AGAP1: variants seen among roughly 807,000 people sequenced by gnomAD.
The protein encoded by AGAP1 is arf-GAP with GTPase, ANK repeat and PH domain-containing protein 1.
A neutral mutation model predicts 105.3 loss-of-function variants in AGAP1; 29 were observed. That is an observed-to-expected ratio of 0.28 (90% CI 0.21 to 0.38). The LOEUF (loss-of-function observed/expected upper bound fraction) is 0.38, where lower values mean the gene tolerates loss of function less well. Ranked by LOEUF, AGAP1 falls within the 10% of genes least tolerant of loss-of-function variation. The pLI is 1.00. For missense variants in AGAP1, 998 were observed against 1,165.1 expected (o/e 0.86, Z 2.09); for synonymous variants, 509 against 485.9 (o/e 1.05, Z -0.63).
chr2:235,520,078 G>A (rs997656112), intron 1 of AGAP1, among the ~76,000 whole-genome samples: 8 of 152,084 alleles, frequency 5.3e-5, no homozygotes, highest in Non-Finnish European at 7.4e-5. Flanking sequence ...CACCAGGCCC[G>A]GCCTCAATAT....
chr2:235,567,193 G>T (rs1268375104), intron 1 of AGAP1, among the ~76,000 whole-genome samples: 1 of 152,376 alleles, frequency 6.6e-6, no homozygotes, highest in Non-Finnish European at 1.5e-5. Flanking sequence ...GGCAGAGGGT[G>T]TGCCTAGAGC....
chr2:235,956,657 G>A (rs1046760186), intron 12 of AGAP1, among the ~76,000 whole-genome samples: 1 of 152,208 alleles, frequency 6.6e-6, no homozygotes, highest in Non-Finnish European at 1.5e-5. Context: ...GAAGCCCAGG[G>A]CTGTCCCACC....
chr2:235,853,393 AGTT>A (rs1166959481), intron 9 of AGAP1, among the ~76,000 whole-genome samples: 5 of 152,328 alleles, frequency 3.3e-5, no homozygotes, highest in African/African-American at 1.2e-4. Context: ...TTGTGATTTT[AGTT>A]GTTCCTTTCT....
intron 1 of AGAP1, among the ~76,000 whole-genome samples, chr2:235,503,370 C>T (rs781605008): frequency 2.2e-4 from 34 of 152,076 alleles, no homozygotes; most frequent in Admixed American, 3.3e-4. Flanking sequence ...GCCGGGATCG[C>T]GTATCTGCTC....
chr2:235,604,572 C>CT (rs1166523228), intron 1 of AGAP1, among the ~76,000 whole-genome samples: 830 of 69,674 alleles, frequency 0.012, 230 homozygotes, highest in African/African-American at 0.026. Context: ...TTTTTATTAT[C>CT]TTTTTTTTTT....
At chr2:235,563,920 C>G (rs1944252744) in intron 1 of AGAP1, among the ~76,000 whole-genome samples, 1 of 152,082 alleles carries the variant, frequency 6.6e-6, no homozygotes, top group African/African-American at 2.4e-5. Flanking sequence ...CTCCAGGTTA[C>G]ATGGCTATCA....
rs1029799488 is a variant in AGAP1 at position 235,927,910 on chromosome 2, C to T, written c.1325-2855C>T. ...GTATTTGGACCTTGTGTGCCTAAAG[C>T]TGGTATAAAATGAGGTCTGTGGACA... On this transcript the variant is annotated intron_variant, in intron 11 of 17. Coordinates refer to ENST00000304032, the MANE Select transcript of AGAP1 (RefSeq NM_001037131.3). This position sits in a 1 kb window ranked among gnomAD's most constrained non-coding sequence, Gnocchi z 4.4. Among the ~76,000 whole-genome samples the T allele has an allele frequency of 6.6e-5, 10 of 152,168 alleles. No individual in the cohort carries two copies. The highest frequency in any genetic ancestry group is 2.4e-4 in the African/African-American group (10 of 41,426).
At chr2:235,998,663 G>GTGC (rs2055920596) in intron 13 of AGAP1, among the ~76,000 whole-genome samples, 1 of 152,100 alleles carries the variant, frequency 6.6e-6, no homozygotes, top group African/African-American at 2.4e-5. Flanking sequence ...AGAGGTGGTG[G>GTGC]TGGTGGTGGT....
chr2:235,868,597 TCAAAA>T (rs1194970344), intron 9 of AGAP1, among the ~76,000 whole-genome samples: 4 of 152,212 alleles, frequency 2.6e-5, no homozygotes, highest in Admixed American at 2.0e-4. Context: ...TCCCTGAGAC[TCAAAA>T]CAAAGACTGA....
Position 235,744,905 on chromosome 2 carries a change from GGA to G in AGAP1, c.538+68_538+69del. ...AACAGTTACATATTTTCAGTATGGA[GGA>G]GTTTAAAAAATGCTTTAAAGAAGGA... On this transcript the variant is annotated intron_variant, in intron 5 of 17. Coordinates refer to ENST00000304032, the MANE Select transcript of AGAP1 (RefSeq NM_001037131.3). This position sits in a 1 kb window ranked among gnomAD's most constrained non-coding sequence, Gnocchi z 5.2. 6.4e-7 allele frequency: 1 copy of G among 1,557,152 alleles called. No homozygotes were observed. Among genetic ancestry groups the G allele is most frequent in the South Asian group, 1.2e-5 (1 of 82,580 alleles).
In AGAP1 at chr2:235,843,660, G is replaced by T. The variant is rs118191120; in HGVS notation, c.1050+36329G>T. 6.6e-6 allele frequency among the ~76,000 whole-genome samples: 1 copy of T among 152,066 alleles called. No homozygotes were observed. Among genetic ancestry groups the T allele is most frequent in the Non-Finnish European group, 1.5e-5 (1 of 68,020 alleles). ...CTGGGCTCCCCTCCGCCCTGCATCT[G>T]AGATCTCTGTTTTAAGGCCAGCTCT... On this transcript the variant is annotated intron_variant, in intron 9 of 17. Coordinates refer to ENST00000304032, the MANE Select transcript of AGAP1 (RefSeq NM_001037131.3). The surrounding 1 kb of genome is among the most constrained non-coding windows in gnomAD (Gnocchi z 5.9).
intron 1 of AGAP1, among the ~76,000 whole-genome samples, chr2:235,523,006 C>A (rs879895476): frequency 2.6e-5 from 4 of 152,072 alleles, no homozygotes; most frequent in Admixed American, 2.0e-4. Flanking sequence ...CAACAATAGT[C>A]GTTTATGTCT....
intron 15 of AGAP1, among the ~76,000 whole-genome samples, chr2:236,047,570 G>C (rs568828230): frequency 6.8e-6 from 1 of 146,372 alleles, no homozygotes; most frequent in Non-Finnish European, 1.5e-5. Context: ...GAACCTCTCT[G>C]AGGTCACAGA....
At chr2:235,935,944 G>C (rs2052965799) in intron 12 of AGAP1, among the ~76,000 whole-genome samples, 2 of 152,168 alleles carry the variant, frequency 1.3e-5, no homozygotes, top group Admixed American at 1.3e-4. Flanking sequence ...TCACCTGCCT[G>C]CCTGCCTCCT....
chr2:235,830,056 C>T lies in AGAP1; in HGVS notation c.1050+22725C>T, dbSNP rs956259621. Reference sequence around the variant, plus strand: ...AAGACTGGGGGTCGGGGTGGGACAGCATGATGCAGAGCTTTGGCGGCTGGC... The same window carrying T: ...AAGACTGGGGGTCGGGGTGGGACAGTATGATGCAGAGCTTTGGCGGCTGGC... On this transcript the variant is annotated intron_variant, in intron 9 of 17. Transcript: ENST00000304032. This position sits in a 1 kb window ranked among gnomAD's most constrained non-coding sequence, Gnocchi z 5.5. 1.3e-5 allele frequency among the ~76,000 whole-genome samples: 2 copies of T among 152,168 alleles called. No individual in the cohort carries two copies. The highest frequency in any genetic ancestry group is 6.5e-5 in the Admixed American group (1 of 15,272).
At chr2:235,766,570 G>A (rs986017138) in intron 6 of AGAP1, among the ~76,000 whole-genome samples, 9 of 152,156 alleles carry the variant, frequency 5.9e-5, no homozygotes, top group African/African-American at 2.2e-4. Flanking sequence ...CACAAATGCA[G>A]AAGTAAAAAA....
Position 235,720,596 on chromosome 2 carries a change from A to T in AGAP1, c.310+2952A>T, listed in dbSNP as rs971951236. 1.1e-6 allele frequency: 1 copy of T among 903,178 alleles called. No homozygotes were observed. The highest frequency in any genetic ancestry group is 1.3e-6 in the Non-Finnish European group (1 of 755,348). 55.9% of individuals were successfully genotyped at this position (903,178 alleles called of 1,614,324 possible). ...CCTCTTACAACTGCTAGAGCGATCA[A>T]CTGGGCAGCTACTTTGAATGAAAGG... is the stretch of plus-strand genomic sequence containing the variant. On this transcript the variant is annotated intron_variant, in intron 3 of 17. Transcript: ENST00000304032. The surrounding 1 kb of genome is among the most constrained non-coding windows in gnomAD (Gnocchi z 5.0).
Position 235,908,899 on chromosome 2 carries a change from C to A in AGAP1, c.1317C>A (p.Pro439=), listed in dbSNP as rs563538902. Residue 439 remains proline (P), a synonymous_variant, in exon 11 of 18, where the codon CCC becomes CCA. Coordinates refer to ENST00000304032, the MANE Select transcript of AGAP1 (RefSeq NM_001037131.3). This position sits in a 1 kb window ranked among gnomAD's most constrained non-coding sequence, Gnocchi z 4.4. The part of the protein sequence containing the change: ...SKDMSSLHIS[P]NSGNVTSASG... ...ACATGAGCAGTTTACACATCTCACC[C>A]AATTCAGGTAAGCTTACAGCAAATG... is the stretch of plus-strand genomic sequence containing the variant. The A allele has an allele frequency of 8.1e-6, 13 of 1,610,738 alleles. No individual in the cohort carries two copies. In the African/African-American group the frequency reaches 1.6e-4, roughly 20 times the overall value.
rs139428111 is a variant in AGAP1, at chr2:235,714,945, G to A, written c.223-2612G>A. Among the ~76,000 whole-genome samples the A allele has an allele frequency of 2.4e-4, 36 of 152,218 alleles. No homozygotes were observed. In the East Asian group the frequency reaches 5.6e-3, roughly 24 times the overall value. The stretch of plus-strand genomic sequence containing the variant: ...CCTGAGTAGCTGGGACTACAGGCGT[G>A]TGCCACCACGCCTTGTTATTTTTTT... On this transcript the variant is annotated intron_variant, in intron 2 of 17. Transcript: ENST00000304032. The surrounding 1 kb of genome is among the most constrained non-coding windows in gnomAD (Gnocchi z 4.1).
Sources: gnomAD v4.1 joint callset for allele counts (sites outside exome capture counted in the v4.1 genomes callset) on GRCh38, gnomAD v4.1.1 for gene constraint, Gnocchi (gnomAD v3.1) non-coding constraint, MANE v1.5 for transcripts, NCBI Gene and HGNC (gene_info 2026-07-23, HGNC 2026-07-21) for gene names.